Variants in HSF1 observed in about 807,000 individuals in gnomAD.
HSF1 encodes the protein heat shock transcription factor 1.
HSF1 carries 32 observed loss-of-function variants against 51.7 expected under a neutral mutation model. The observed-to-expected ratio is 0.62, with a 90% CI of 0.47 to 0.83. HSF1 has a LOEUF of 0.83. HSF1 is among the 40% of genes least tolerant of loss of function. The pLI is 0.00. For missense variants in HSF1, 727 were observed against 717.0 expected, an observed-to-expected ratio of 1.01 and a Z score of -0.16; for synonymous variants, 396 against 309.7, an observed-to-expected ratio of 1.28 and a Z score of -2.92.
chr8:144,309,022 C>T lies in HSF1; in HGVS notation c.226+8C>T. On this transcript the variant is annotated splice_region_variant and intron_variant, in intron 2 of 12. Transcript: ENST00000528838. ...TGCGGCAGCTCAACATGTGTGAGTG[C>T]TGCCTCCAGGCAGCGCAGGGGTGCG... is the stretch of plus-strand genomic sequence containing the variant. 6.2e-7 allele frequency: 1 copy of T among 1,603,630 alleles called. No homozygotes were observed. The highest frequency in any genetic ancestry group is 2.2e-5 in the East Asian group (1 of 44,842).
chr8:144,306,575 C>G (rs1816243565), intron 1 of HSF1, among the ~76,000 whole-genome samples: 2 of 152,104 alleles, frequency 1.3e-5, no homozygotes, highest in Admixed American at 1.3e-4. Context: ...GTTGCCCAGG[C>G]CAGTCTCCAA....
Position 144,313,873 on chromosome 8 carries a change from G to A in HSF1, c.1276G>A (p.Asp426Asn). The A allele has an allele frequency of 6.2e-7, 1 of 1,601,080 alleles. No individual in the cohort carries two copies. The change falls in exon 11 of 13, where the codon GAC (aspartate) becomes AAC (asparagine). Residue 426 changes from aspartate (D) to asparagine (N), a missense_variant. This residue lies in a region of HSF1 where 470 missense variants were observed against 398.8 expected (regional missense o/e 1.18). Transcript: ENST00000528838. ...GTTCAGCCCCTCGGTGACCGTGCCC[G>A]ACATGAGCCTGCCTGACCTTGACAG... ...DLFSPSVTVP[D>N]MSLPDLDSSL...
rs1458954579 is a variant in HSF1, at chr8:144,291,945, A to G, written c.117+71A>G. ...GCAGGGCCGCGGCGGACGGCGCGGG[A>G]GGGCTGCGGGGAGGGGCCCTGCCGC... On this transcript the variant is annotated intron_variant, in intron 1 of 12. Coordinates refer to ENST00000528838, the MANE Select transcript of HSF1 (RefSeq NM_005526.4). This position sits in a 1 kb window ranked among gnomAD's most constrained non-coding sequence, Gnocchi z 4.1. 2.0e-5 allele frequency: 16 copies of G among 810,186 alleles called. No individual in the cohort carries two copies. Among genetic ancestry groups the G allele is most frequent in the African/African-American group, 7.4e-5 (4 of 54,402 alleles). 50.2% of individuals were successfully genotyped at this position (810,186 alleles called of 1,614,324 possible).
At chr8:144,300,212 C>CTTTTTTTTTTTTT (rs1176636210) in intron 1 of HSF1, among the ~76,000 whole-genome samples, 1 of 87,744 alleles carries the variant, frequency 1.1e-5, no homozygotes, top group Non-Finnish European at 2.1e-5. Flanking sequence ...GTTGTGTACT[C>CTTTTTTTTTTTTT]TTTTTTTTTT....
intron 4 of HSF1, 104 bp from the exon 5 acceptor site, chr8:144,311,070 A>G (rs1221323465): frequency 2.7e-6 from 3 of 1,105,726 alleles, no homozygotes; most frequent in African/African-American, 1.6e-5. Flanking sequence ...ACATGGTCAC[A>G]CTTACCCCTG....
chr8:144,314,258 C>A lies in HSF1; in HGVS notation c.1518C>A (p.Phe506Leu), dbSNP rs375062485. ...EGSYFSEGDG[F>L]AEDPTISLLT... ...CCTACTTCTCCGAAGGGGACGGCTT[C>A]GCCGAGGACCCCACCATCTCCCTGC... The change falls in exon 13 of 13, where the codon TTC (phenylalanine) becomes TTA (leucine). Residue 506 changes from phenylalanine (F) to leucine (L), a missense_variant. Around this residue, in one of 2 missense-constraint regions of HSF1, gnomAD observed 470 missense variants for 398.8 expected, o/e 1.18. Coordinates refer to ENST00000528838, the MANE Select transcript of HSF1 (RefSeq NM_005526.4). The A allele has an allele frequency of 6.4e-7, 1 of 1,550,698 alleles. No homozygotes were observed. The highest frequency in any genetic ancestry group is 2.4e-5 in the East Asian group (1 of 40,986).
intron 9 of HSF1, chr8:144,312,618 T>C: frequency 1.3e-6 from 2 of 1,534,858 alleles, no homozygotes; most frequent in Non-Finnish European, 1.7e-6. Flanking sequence ...CTTGTTTTTG[T>C]ATCTTGCAGT....
At chr8:144,310,941 C>T (rs576012066) in intron 4 of HSF1, 2 of 579,152 alleles carry the variant, frequency 3.5e-6, no homozygotes, top group African/African-American at 3.7e-5. Context: ...GATCCATCCC[C>T]AACACCCTAC....
At chr8:144,299,834 G>A (rs917781704) in intron 1 of HSF1, among the ~76,000 whole-genome samples, 6 of 152,118 alleles carry the variant, frequency 3.9e-5, no homozygotes, top group Admixed American at 6.6e-5. Flanking sequence ...GCTTGGACCC[G>A]GGAGGTGGAG....
intron 12 of HSF1, 30 bp downstream of exon 12, chr8:144,314,084 G>GGCCCCCCCC: frequency 7.5e-7 from 1 of 1,329,840 alleles, no homozygotes; most frequent in Non-Finnish European, 9.9e-7. Context: ...CCCCACCTCT[G>GGCCCCCCCC]CCCCCAACCC....
At position 144,313,749 on chromosome 8, in the gene HSF1, TCCCCGCCCCGCCTCCCCGCCTCCCCG is replaced by T. The variant is rs1816962705; in HGVS notation, c.1249-89_1249-64del. On this transcript the variant is annotated intron_variant, in intron 10 of 12. Coordinates refer to ENST00000528838, the MANE Select transcript of HSF1 (RefSeq NM_005526.4). ...CCCCGCCTCCCCGCGCCTCCCCGCC[TCCCCGCCCCGCCTCCCCGCCTCCCCG>T]CCCCGCCTCCCCGCCCCGCCTCCCC... The T allele has an allele frequency of 1.2e-4, 5 of 43,196 alleles. 1 individual carries two copies. The highest frequency in any genetic ancestry group is 9.5e-4 in the African/African-American group (3 of 3,144). The allele number at this position is 43,196 out of a possible 1,614,324, so 2.7% of individuals were successfully genotyped here.
Position 144,314,109 on chromosome 8 carries a change from A to G in HSF1, c.1385-16A>G. 1 of 956,292 alleles carries G rather than the reference A, an allele frequency of 1.0e-6. No individual in the cohort carries two copies. The highest frequency in any genetic ancestry group is 4.2e-5 in the Admixed American group (1 of 24,028). 59.2% of individuals were successfully genotyped at this position (956,292 alleles called of 1,614,324 possible). On this transcript the variant is annotated splice_polypyrimidine_tract_variant and intron_variant, in intron 12 of 12. Coordinates refer to ENST00000528838, the MANE Select transcript of HSF1 (RefSeq NM_005526.4). ...GCCCCCAACCCCCCACCGCCTTGAC[A>G]CCCCCACCCCCGCAGGGAAGCAGCT...
chr8:144,308,201 CCCCCT>C (rs1488849256), intron 1 of HSF1, among the ~76,000 whole-genome samples: 1 of 152,200 alleles, frequency 6.6e-6, no homozygotes, highest in Non-Finnish European at 1.5e-5. Context: ...TGCTTCAGGC[CCCCCT>C]TCCCCGCCGT....
At chr8:144,306,941 G>A (rs1554843415) in intron 1 of HSF1, among the ~76,000 whole-genome samples, 1 of 152,016 alleles carries the variant, frequency 6.6e-6, no homozygotes, top group Non-Finnish European at 1.5e-5. Flanking sequence ...GTGTGTGTTG[G>A]GGACGCCTTC....
chr8:144,301,279 C>T (rs889613615), intron 1 of HSF1, among the ~76,000 whole-genome samples: 9 of 151,876 alleles, frequency 5.9e-5, no homozygotes, highest in East Asian at 1.9e-4. Context: ...ATTAGCCGGG[C>T]GTGGTAGTGC....
chr8:144,314,130 C>T lies in HSF1; in HGVS notation c.1390C>T (p.Gln464Ter). 2 of 1,537,508 alleles carry T rather than the reference C, an allele frequency of 1.3e-6. No homozygotes were observed. The highest frequency in any genetic ancestry group is 1.8e-6 in the Non-Finnish European group (2 of 1,141,036). Residue 464 changes from glutamine to a stop codon, truncating the protein, a stop_gained, in exon 13 of 13, where the codon CAG (glutamine) becomes TAG (stop). Coordinates refer to ENST00000528838, the MANE Select transcript of HSF1 (RefSeq NM_005526.4). LOFTEE classifies it high-confidence loss of function. ...TGACACCCCCACCCCCGCAGGGAAG[C>T]AGCTGGTGCACTACACAGCGCAGCC... The part of the protein sequence containing the change: ...AENSSPDSGK[Q>*]LVHYTAQPLF...
chr8:144,313,846 C>G lies in HSF1; in HGVS notation c.1249C>G (p.Leu417Val). 1 of 1,600,750 alleles carries G rather than the reference C, an allele frequency of 6.2e-7. No individual in the cohort carries two copies. The highest frequency in any genetic ancestry group is 8.5e-7 in the Non-Finnish European group (1 of 1,176,854). Residue 417 changes from leucine to valine, a missense_variant and splice_region_variant, in exon 11 of 13, where the codon CTG becomes GTG. Leu to Val is a conservative substitution (Grantham distance 32, BLOSUM62 1). Around this residue, in one of 2 missense-constraint regions of HSF1, gnomAD observed 470 missense variants for 398.8 expected, o/e 1.18. Transcript: ENST00000528838. ...FSVDTSALLD[L>V]FSPSVTVPDM... The stretch of plus-strand genomic sequence containing the variant: ...TCTGACTTCCCTCCCTCCTCCGCAG[C>G]TGTTCAGCCCCTCGGTGACCGTGCC...
At position 144,314,017 on chromosome 8, in the gene HSF1, C is replaced by G. The variant is rs782540099; in HGVS notation, c.1347C>G (p.Pro449=). The part of the protein sequence containing the change: ...IQELLSPQEP[P]RPPEAENSSP... The stretch of plus-strand genomic sequence containing the variant: ...AGCTCCTGTCTCCCCAGGAGCCCCC[C>G]AGGCCTCCCGAGGCAGAGAACAGCA... The change falls in exon 12 of 13, where the codon CCC becomes CCG. Residue 449 remains proline (P), a synonymous_variant. Coordinates refer to ENST00000528838, the MANE Select transcript of HSF1 (RefSeq NM_005526.4). 1.9e-6 allele frequency: 3 copies of G among 1,611,078 alleles called. No individual in the cohort carries two copies. The highest frequency in any genetic ancestry group is 2.2e-5 in the East Asian group (1 of 44,744).
chr8:144,311,025 C>T, intron 4 of HSF1, 149 bp from the exon 5 acceptor site: 1 of 713,702 alleles, frequency 1.4e-6, no homozygotes, highest in South Asian at 1.9e-5. Context: ...AGTCCCTCCA[C>T]ACACAAGTTC....
Sources: allele counts gnomAD v4.1 joint callset (sites outside exome capture counted in the v4.1 genomes callset), GRCh38; gene constraint gnomAD v4.1.1; regional missense constraint gnomAD v4.1.1; non-coding constraint Gnocchi (gnomAD v3.1); transcripts MANE v1.5; gene names NCBI Gene and HGNC (gene_info 2026-07-23, HGNC 2026-07-21).